Variants in MORF4L1 observed in about 807,000 individuals in gnomAD.
MORF4L1 encodes mortality factor 4 like 1.
MORF4L1 carries 4 observed loss-of-function variants against 52.9 expected under a neutral mutation model. That is an observed-to-expected ratio of 0.08 (90% CI 0.04 to 0.17). MORF4L1 has a LOEUF of 0.17. Ranked by LOEUF, MORF4L1 falls within the 10% of genes least tolerant of loss-of-function variation. MORF4L1 has a pLI of 1.00. For missense variants in MORF4L1, 214 were observed against 390.4 expected (o/e 0.55, Z 3.81); for synonymous variants, 123 against 134.8 (o/e 0.91, Z 0.61).
At chr15:78,891,940 G>A (rs1023147769) in intron 7 of MORF4L1, among the ~76,000 whole-genome samples, 2 of 152,184 alleles carry the variant, frequency 1.3e-5, no homozygotes, top group African/African-American at 2.4e-5. Context: ...AAGTCAGGGT[G>A]TTTCATTTCC....
At chr15:78,873,210 G>A in intron 1 of MORF4L1, 153 bp downstream of exon 1, 1 of 1,514,604 alleles carries the variant, frequency 6.6e-7, no homozygotes, top group Non-Finnish European at 8.8e-7. Flanking sequence ...ATTGCGGATG[G>A]CAATTCCGGT....
chr15:78,894,194 C>G lies in MORF4L1; in HGVS notation c.766C>G (p.Gln256Glu), dbSNP rs1351612282. The G allele has an allele frequency of 1.2e-6, 2 of 1,613,614 alleles. No individual in the cohort carries two copies. The highest frequency in any genetic ancestry group is 3.3e-5 in the Admixed American group (2 of 59,892). The change falls in exon 10 of 12, where the codon CAG becomes GAG. Residue 256 changes from glutamine (Q) to glutamate (E), a missense_variant. Transcript: ENST00000426013. ...AGATCATCCCGATGCACCCATGTCCCAGGTGTATGGAGCGCCACATCTCCT... is the reference window on the plus strand; with the variant it reads ...AGATCATCCCGATGCACCCATGTCCGAGGTGTATGGAGCGCCACATCTCCT... ...LADHPDAPMSQVYGAPHLLRL... is the reference protein window; with the variant it reads ...LADHPDAPMSEVYGAPHLLRL...
rs1404313307 is a variant in MORF4L1 at position 78,887,266 on chromosome 15, A to C, written c.243-3A>C. 1.3e-6 allele frequency: 2 copies of C among 1,598,706 alleles called. No homozygotes were observed. The highest frequency in any genetic ancestry group is 3.6e-5 in the Admixed American group (2 of 55,296). ...GTTGACATTACTGAAATTATTTTTG[A>C]AGGGAGCAGTATGCAGAGGGGAAGA... On this transcript the variant is annotated splice_polypyrimidine_tract_variant and splice_region_variant and intron_variant, in intron 4 of 11. Transcript: ENST00000426013.
At chr15:78,896,828 A>G (rs2056898706) in intron 11 of MORF4L1, among the ~76,000 whole-genome samples, 155 bp from the exon 12 acceptor site, 2 of 152,162 alleles carry the variant, frequency 1.3e-5, no homozygotes, top group Admixed American at 1.3e-4. Flanking sequence ...TATTTACCTG[A>G]ATTGTCATTA....
At chr15:78,875,974 G>A (rs1290143860) in intron 1 of MORF4L1, among the ~76,000 whole-genome samples, 1 of 151,860 alleles carries the variant, frequency 6.6e-6, no homozygotes, top group African/African-American at 2.4e-5. Context: ...GTCTTGCTCT[G>A]TCGCCCAGGC....
chr15:78,894,429 GAGAC>G (rs1002889930), intron 10 of MORF4L1, 199 bp downstream of exon 10: 145 of 357,046 alleles, frequency 4.1e-4, no homozygotes, highest in Admixed American at 1.6e-3. Context: ...TTTTTTTTTT[GAGAC>G]AGACAGTCTC....
At position 78,894,157 on chromosome 15, in the gene MORF4L1, T is replaced by C. The variant is rs893336895; in HGVS notation, c.729T>C (p.Ala243=). The C allele has an allele frequency of 1.2e-6, 2 of 1,614,054 alleles. No individual in the cohort carries two copies. The highest frequency in any genetic ancestry group is 8.5e-7 in the Non-Finnish European group (1 of 1,179,956). Residue 243 remains alanine (A), a synonymous_variant, in exon 10 of 12, where the codon GCT becomes GCC. Transcript: ENST00000426013. ...LLYKFERPQY[A]EILADHPDAP... ...ATAAATTTGAGAGACCACAGTATGC[T>C]GAAATTCTTGCAGATCATCCCGATG...
At chr15:78,879,401 T>C (rs899399760) in intron 2 of MORF4L1, among the ~76,000 whole-genome samples, 2 of 152,158 alleles carry the variant, frequency 1.3e-5, no homozygotes, top group African/African-American at 4.8e-5. Context: ...TTTGTAGTTT[T>C]AGTAGAGACG....
chr15:78,892,202 T>G lies in MORF4L1; in HGVS notation c.439-10T>G, dbSNP rs112104744. The G allele has an allele frequency of 3.1e-6, 5 of 1,587,426 alleles. No homozygotes were observed. The highest frequency in any genetic ancestry group is 4.3e-6 in the Non-Finnish European group (5 of 1,158,990). ...GTTAGGTTTTTAATACTCCTCCTGT[T>G]TCTGTTTAGGAGGAAACATTCATGA... On this transcript the variant is annotated splice_polypyrimidine_tract_variant and intron_variant, in intron 7 of 11. Transcript: ENST00000426013.
intron 7 of MORF4L1, 24 bp downstream of exon 7, chr15:78,891,596 A>G: frequency 6.4e-7 from 1 of 1,556,152 alleles, no homozygotes; most frequent in Non-Finnish European, 8.9e-7. Context: ...GTGTTTATGA[A>G]TAGCATGTTA....
chr15:78,891,597 T>C (rs765056516), intron 7 of MORF4L1, 25 bp downstream of exon 7: 1 of 1,545,974 alleles, frequency 6.5e-7, no homozygotes, highest in Non-Finnish European at 8.9e-7. Context: ...TGTTTATGAA[T>C]AGCATGTTAG....
intron 3 of MORF4L1, 61 bp from the exon 4 acceptor site, chr15:78,886,080 C>G: frequency 7.6e-7 from 1 of 1,308,120 alleles, no homozygotes; most frequent in South Asian, 1.2e-5. Context: ...CTCTTGATCT[C>G]AGAAAATTAG....
chr15:78,878,025 C>T (rs771901440), intron 1 of MORF4L1, 188 bp from the exon 2 acceptor site: 1 of 474,082 alleles, frequency 2.1e-6, no homozygotes, highest in Non-Finnish European at 3.7e-6. Context: ...TTTTTACCAT[C>T]GGATACCAAC....
chr15:78,884,681 ACACAC>A (rs2056667851), intron 3 of MORF4L1, among the ~76,000 whole-genome samples: 2 of 148,298 alleles, frequency 1.3e-5, no homozygotes, highest in Non-Finnish European at 1.5e-5. Context: ...ACACACACAC[ACACAC>A]AAATATCTCA....
rs369246418 is a variant in MORF4L1, at chr15:78,897,112, T to C, written c.*45T>C. The C allele has an allele frequency of 2.4e-5, 36 of 1,472,542 alleles. No individual in the cohort carries two copies. The highest frequency in any genetic ancestry group is 2.8e-6 in the Non-Finnish European group (3 of 1,054,618). 91.2% of individuals were successfully genotyped at this position (1,472,542 alleles called of 1,614,324 possible). A position where few individuals can be genotyped will look rare whatever the true frequency, so the allele number is the denominator to read the frequency against. ...ATGTTTGGATCTCCGTAAACACATT[T>C]TTGTTCTTAGTCTATCTCTTGTACA... On this transcript the variant is annotated 3_prime_UTR_variant, in exon 12 of 12. Coordinates refer to ENST00000426013, the MANE Select transcript of MORF4L1 (RefSeq NM_006791.4).
intron 1 of MORF4L1, chr15:78,876,624 AG>A: frequency 2.2e-6 from 1 of 455,710 alleles, no homozygotes; most frequent in South Asian, 1.5e-5. Flanking sequence ...ATGTACCAGG[AG>A]AGTGAAATTA....
intron 11 of MORF4L1, among the ~76,000 whole-genome samples, chr15:78,896,602 C>G (rs2056894647): frequency 6.6e-6 from 1 of 151,920 alleles, no homozygotes; most frequent in Admixed American, 6.5e-5. Flanking sequence ...GCCACCACTC[C>G]CGGCTGATAA....
At chr15:78,876,332 AAT>A (rs1278320437) in intron 1 of MORF4L1, among the ~76,000 whole-genome samples, 2 of 151,304 alleles carry the variant, frequency 1.3e-5, no homozygotes, top group Non-Finnish European at 1.5e-5. Context: ...AATGGCGTGC[AAT>A]ATATGTTGTA....
intron 11 of MORF4L1, among the ~76,000 whole-genome samples, chr15:78,896,429 G>A (rs2056891163): frequency 6.9e-6 from 1 of 144,184 alleles, no homozygotes; most frequent in Non-Finnish European, 1.5e-5. Context: ...TCCTGCCTCA[G>A]CCTCCCGAGT....
Sources: gnomAD v4.1 joint callset for allele counts (sites outside exome capture counted in the v4.1 genomes callset) on GRCh38, gnomAD v4.1.1 for gene constraint, MANE v1.5 for transcripts, NCBI Gene and HGNC (gene_info 2026-07-23, HGNC 2026-07-21) for gene names.